C10orf90: variants seen among roughly 807,000 people sequenced by gnomAD.
C10orf90 encodes the protein (E2-independent) E3 ubiquitin-conjugating enzyme FATS.
Under a neutral mutation model 62.5 loss-of-function variants are expected in C10orf90, and 56 were observed. That is an observed-to-expected ratio of 0.90 (90% confidence interval 0.72 to 1.12). The LOEUF (loss-of-function observed/expected upper bound fraction) is 1.12. Among genes scored for constraint, C10orf90 ranks in the 50% most tolerant of loss-of-function variants. The pLI is 0.00. For synonymous variants in C10orf90, 386 were observed against 340.4 expected, an observed-to-expected ratio of 1.13 and a Z score of -1.47; for missense variants, 970 against 880.4, an observed-to-expected ratio of 1.10 and a Z score of -1.29.
At chr10:126,434,856 A>G (rs146509089) in intron 7 of C10orf90, among the ~76,000 whole-genome samples, 74 of 152,182 alleles carry the variant, frequency 4.9e-4, no homozygotes, top group African/African-American at 1.5e-3. Flanking sequence ...ACCATGGTGG[A>G]CCCTCTAATT....
intron 1 of C10orf90, among the ~76,000 whole-genome samples, chr10:126,653,972 T>C (rs1020948453): frequency 9.2e-5 from 14 of 152,142 alleles, no homozygotes; most frequent in Non-Finnish European, 1.5e-5. Context: ...AAAGGAATCT[T>C]TTTTTTTCTA....
chr10:126,629,737 G>C (rs1053394192), intron 2 of C10orf90, among the ~76,000 whole-genome samples: 1 of 152,202 alleles, frequency 6.6e-6, no homozygotes, highest in African/African-American at 2.4e-5. Flanking sequence ...TGTATTCCAG[G>C]TGGATATGAC....
intron 4 of C10orf90, among the ~76,000 whole-genome samples, chr10:126,477,435 C>A (rs1244065289): frequency 6.6e-6 from 1 of 152,088 alleles, no homozygotes; most frequent in African/African-American, 2.4e-5. Flanking sequence ...CCCTCTGGGT[C>A]TACGTGGTAC....
intron 2 of C10orf90, among the ~76,000 whole-genome samples, chr10:126,573,407 C>T (rs1212683866): frequency 6.6e-6 from 1 of 152,184 alleles, no homozygotes; most frequent in Non-Finnish European, 1.5e-5. Context: ...TCATTTCTGC[C>T]TTTTAGTTTT....
At chr10:126,622,552 T>A (rs561552441) in intron 2 of C10orf90, among the ~76,000 whole-genome samples, 2 of 152,220 alleles carry the variant, frequency 1.3e-5, no homozygotes, top group African/African-American at 4.8e-5. Flanking sequence ...GCAGCTAACA[T>A]CCTACAGTGC....
At chr10:126,585,658 T>A (rs1844856194) in intron 2 of C10orf90, among the ~76,000 whole-genome samples, 1 of 152,224 alleles carries the variant, frequency 6.6e-6, no homozygotes, top group South Asian at 2.1e-4. Context: ...TCAGCATGTA[T>A]GAGTCAAGAG....
chr10:126,440,735 A>G (rs1346952771), intron 7 of C10orf90, among the ~76,000 whole-genome samples: 1 of 152,166 alleles, frequency 6.6e-6, no homozygotes, highest in East Asian at 1.9e-4. Flanking sequence ...GACAACCCCC[A>G]GTACCAGCCT....
intron 2 of C10orf90, among the ~76,000 whole-genome samples, chr10:126,582,490 C>T (rs556089523): frequency 2.0e-5 from 3 of 152,184 alleles, no homozygotes; most frequent in Non-Finnish European, 4.4e-5. Flanking sequence ...TGCTGAGACA[C>T]CAGCGTTCAC....
intron 4 of C10orf90, among the ~76,000 whole-genome samples, chr10:126,484,191 G>A (rs907396776): frequency 1.1e-4 from 16 of 151,946 alleles, no homozygotes; most frequent in Admixed American, 9.2e-4. Flanking sequence ...TGTTATTTTT[G>A]CATCCCAGTT....
chr10:126,641,264 G>A (rs1170312572), intron 2 of C10orf90, among the ~76,000 whole-genome samples: 4 of 152,012 alleles, frequency 2.6e-5, no homozygotes, highest in Non-Finnish European at 4.4e-5. Context: ...GGCAACTAAT[G>A]GTTTAATTCA....
rs551973906 is a variant in C10orf90 at position 126,477,076 on chromosome 10, A to ATTTTTT, written c.1535-12096_1535-12091dup. 1.0e-3 allele frequency among the ~76,000 whole-genome samples: 59 copies of ATTTTTT among 56,484 alleles called. 12 individuals are homozygous for ATTTTTT. The highest frequency in any genetic ancestry group is 1.6e-3 in the Non-Finnish European group (49 of 30,886). The allele number at this position is 56,484 out of a possible 152,430, so 37.1% of individuals were successfully genotyped here. On this transcript the variant is annotated intron_variant, in intron 4 of 9. Transcript: ENST00000488181. ...AGGTGCCCAACATCACGCCTGGCTA[A>ATTTTTT]TTTTTTTTTTTTTTTTTTTTTTTTT...
intron 2 of C10orf90, among the ~76,000 whole-genome samples, chr10:126,558,728 C>T (rs1223839189): frequency 2.0e-5 from 3 of 152,308 alleles, no homozygotes; most frequent in African/African-American, 4.8e-5. Context: ...TATGTTACTG[C>T]CATGGATGAA....
chr10:126,502,857 GT>G (rs1862486132), intron 4 of C10orf90: 1 of 513,514 alleles, frequency 1.9e-6, no homozygotes, highest in Non-Finnish European at 4.0e-6. Flanking sequence ...CATTTCAATG[GT>G]TTAATCAATC....
chr10:126,490,047 ATATTATGT>A, intron 4 of C10orf90, among the ~76,000 whole-genome samples: 1 of 91,690 alleles, frequency 1.1e-5, no homozygotes, highest in African/African-American at 4.0e-5. Flanking sequence ...TATATATTAT[ATATTATGT>A]TATATAATAT....
At chr10:126,624,216 G>T (rs1845700664) in intron 2 of C10orf90, among the ~76,000 whole-genome samples, 1 of 152,102 alleles carries the variant, frequency 6.6e-6, no homozygotes, top group African/African-American at 2.4e-5. Context: ...CATGGTGGCA[G>T]GTGCCTGTAG....
At chr10:126,466,598 C>A (rs1860304228) in intron 4 of C10orf90, among the ~76,000 whole-genome samples, 1 of 152,058 alleles carries the variant, frequency 6.6e-6, no homozygotes, top group South Asian at 2.1e-4. Flanking sequence ...AGCAAAAAGT[C>A]TGGGGCTAGA....
At chr10:126,611,413 G>C (rs1002799690) in intron 2 of C10orf90, among the ~76,000 whole-genome samples, 1 of 151,924 alleles carries the variant, frequency 6.6e-6, no homozygotes, top group African/African-American at 2.4e-5. Flanking sequence ...ATGGACATTT[G>C]AGCTGTTCCC....
intron 2 of C10orf90, among the ~76,000 whole-genome samples, chr10:126,584,992 TGCA>T (rs1452916102): frequency 6.6e-6 from 1 of 151,950 alleles, no homozygotes; most frequent in Non-Finnish European, 1.5e-5. Context: ...GCTCAGCCCC[TGCA>T]GAGTCTAAGC....
At chr10:126,660,196 G>T (rs971251289) in intron 1 of C10orf90, among the ~76,000 whole-genome samples, 1 of 152,216 alleles carries the variant, frequency 6.6e-6, no homozygotes, top group Non-Finnish European at 1.5e-5. Context: ...AAGATCCTAT[G>T]AATATGACGG....
Sources: gnomAD v4.1 joint callset for allele counts (sites outside exome capture counted in the v4.1 genomes callset) on GRCh38, gnomAD v4.1.1 for gene constraint, MANE v1.5 for transcripts, NCBI Gene and HGNC (gene_info 2026-07-23, HGNC 2026-07-21) for gene names.